Variants in DCLK2 observed in about 807,000 individuals in gnomAD.
DCLK2 encodes the protein serine/threonine-protein kinase DCLK2.
In DCLK2, 31 loss-of-function variants were observed where a neutral mutation model predicts 78.4. That is an observed-to-expected ratio of 0.40 (90% CI 0.30 to 0.53). The LOEUF (loss-of-function observed/expected upper bound fraction) is 0.53, where lower values mean the gene tolerates loss of function less well. Ranked by LOEUF, DCLK2 falls within the 20% of genes least tolerant of loss-of-function variation. The probability of loss-of-function intolerance (pLI) is 0.61; values close to 1 mark genes in which losing one functional copy is unlikely to be tolerated. For missense variants in DCLK2, 872 were observed against 973.7 expected (o/e 0.90, Z 1.39); for synonymous variants, 407 against 374.9 (o/e 1.09, Z -0.99).
intron 2 of DCLK2, among the ~76,000 whole-genome samples, chr4:150,157,194 T>C (rs1205706320): frequency 6.6e-6 from 1 of 151,570 alleles, no homozygotes; most frequent in African/African-American, 2.4e-5. Context: ...TTACTGTCCT[T>C]TAAGGAGGAA....
In DCLK2 at chr4:150,079,382, G is replaced by T. The variant is rs56327537; in HGVS notation, c.355G>T (p.Gly119Cys). 10 of 1,589,946 alleles carry T rather than the reference G, an allele frequency of 6.3e-6. No homozygotes were observed. In the East Asian group the frequency reaches 2.1e-4, roughly 33 times the overall value. Reference sequence around the variant, plus strand: ...GTCGGACAACGTGAACCTGCCCCAGGGTGTCCGCACTATCTACACCATCGA... The same window carrying T: ...GTCGGACAACGTGAACCTGCCCCAGTGTGTCCGCACTATCTACACCATCGA... The part of the protein sequence containing the change: ...SLSDNVNLPQ[G>C]VRTIYTIDGS... Residue 119 changes from glycine (G) to cysteine (C), a missense_variant, in exon 1 of 16, where the codon GGT becomes TGT. Coordinates refer to ENST00000296550, the MANE Select transcript of DCLK2 (RefSeq NM_001040260.4).
intron 8 of DCLK2, among the ~76,000 whole-genome samples, chr4:150,227,232 C>G (rs1741690261): frequency 6.6e-6 from 1 of 152,200 alleles, no homozygotes; most frequent in African/African-American, 2.4e-5. Context: ...GTAATACAAA[C>G]TTGGGAAACA....
chr4:150,216,271 G>C (rs1414778877), intron 5 of DCLK2, among the ~76,000 whole-genome samples: 1 of 152,204 alleles, frequency 6.6e-6, no homozygotes, highest in Non-Finnish European at 1.5e-5. Context: ...CATCAGCCAT[G>C]AATGCCTTTA....
chr4:150,125,133 T>C (rs1462469513), intron 2 of DCLK2, among the ~76,000 whole-genome samples: 1 of 152,174 alleles, frequency 6.6e-6, no homozygotes, highest in Non-Finnish European at 1.5e-5. Context: ...TTGTGGTAGG[T>C]ATATGGTTGT....
chr4:150,129,284 C>T (rs149004205), intron 2 of DCLK2, among the ~76,000 whole-genome samples: 2 of 152,036 alleles, frequency 1.3e-5, no homozygotes, highest in East Asian at 3.9e-4. Context: ...AATAAATGGT[C>T]CAGTATTCAT....
chr4:150,152,261 A>G (rs1480310663), intron 2 of DCLK2, among the ~76,000 whole-genome samples: 2 of 152,140 alleles, frequency 1.3e-5, no homozygotes, highest in Non-Finnish European at 2.9e-5. Context: ...AGCACTTATG[A>G]CATAAAATAA....
chr4:150,221,376 A>C (rs563899775), intron 6 of DCLK2, among the ~76,000 whole-genome samples: 20 of 150,436 alleles, frequency 1.3e-4, no homozygotes, highest in Non-Finnish European at 2.4e-4. Context: ...TTGAACATCG[A>C]CAAAAAAGTT....
intron 5 of DCLK2, among the ~76,000 whole-genome samples, chr4:150,206,728 GTC>G (rs1739872465): frequency 6.6e-6 from 1 of 152,104 alleles, no homozygotes; most frequent in African/African-American, 2.4e-5. Context: ...AGTAACTAAT[GTC>G]TCTGCCACAC....
chr4:150,114,377 A>G (rs140202212), intron 2 of DCLK2, among the ~76,000 whole-genome samples: 2 of 152,148 alleles, frequency 1.3e-5, no homozygotes, highest in East Asian at 1.9e-4. Context: ...GTTGCTGTCT[A>G]TCTCTTTTCT....
intron 2 of DCLK2, among the ~76,000 whole-genome samples, chr4:150,121,230 A>G (rs1366390495): frequency 1.4e-5 from 1 of 72,736 alleles, no homozygotes; most frequent in Non-Finnish European, 2.7e-5. Context: ...AGAATGTGTG[A>G]TATGCTATTT....
At chr4:150,119,989 T>G (rs1429943889) in intron 2 of DCLK2, among the ~76,000 whole-genome samples, 1 of 152,222 alleles carries the variant, frequency 6.6e-6, no homozygotes, top group Non-Finnish European at 1.5e-5. Context: ...ATGGCTAACT[T>G]CTGAATTTGT....
At chr4:150,231,457 A>G (rs537867756) in intron 8 of DCLK2, among the ~76,000 whole-genome samples, 54 of 152,284 alleles carry the variant, frequency 3.5e-4, no homozygotes, top group African/African-American at 1.2e-3. Flanking sequence ...ATTTCCAGCT[A>G]TTGTCCAAAA....
At chr4:150,243,119 T>A (rs991200831) in intron 12 of DCLK2, among the ~76,000 whole-genome samples, 2 of 152,246 alleles carry the variant, frequency 1.3e-5, no homozygotes, top group Non-Finnish European at 2.9e-5. Context: ...CACTGCTTTT[T>A]ACTTTTTAAA....
chr4:150,253,449 G>A (rs1342014579), intron 15 of DCLK2: 1 of 1,289,682 alleles, frequency 7.8e-7, no homozygotes, highest in Non-Finnish European at 1.0e-6. Context: ...AAAGTTGATG[G>A]TGTTATCTGC....
chr4:150,216,948 G>A (rs1280941713), intron 5 of DCLK2, among the ~76,000 whole-genome samples: 1 of 152,182 alleles, frequency 6.6e-6, no homozygotes, highest in Non-Finnish European at 1.5e-5. Context: ...CATCCATTAT[G>A]CTTTGTTGAG....
In DCLK2 at chr4:150,240,391, T is replaced by A. The variant is rs1044143184; in HGVS notation, c.1701-8T>A. ...GTTCTCTCCCCCTCACCCACTTTGT[T>A]TTCCTAGCTATGGCCTGAAGGTGGA... is the stretch of plus-strand genomic sequence containing the variant. On this transcript the variant is annotated splice_polypyrimidine_tract_variant and splice_region_variant and intron_variant, in intron 11 of 15. Transcript: ENST00000296550. The A allele has an allele frequency of 6.2e-7, 1 of 1,613,724 alleles. No individual in the cohort carries two copies. The highest frequency in any genetic ancestry group is 8.5e-7 in the Non-Finnish European group (1 of 1,179,714).
chr4:150,087,283 A>G (rs1263230539), intron 1 of DCLK2, among the ~76,000 whole-genome samples: 2 of 152,210 alleles, frequency 1.3e-5, no homozygotes, highest in Admixed American at 1.3e-4. Flanking sequence ...AATAATCTGC[A>G]ATTTTGACCT....
intron 2 of DCLK2, among the ~76,000 whole-genome samples, chr4:150,126,690 G>C (rs1377987070): frequency 6.6e-6 from 1 of 152,086 alleles, no homozygotes; most frequent in African/African-American, 2.4e-5. Context: ...GATTATATAT[G>C]CCCTCCATCC....
intron 10 of DCLK2, among the ~76,000 whole-genome samples, chr4:150,235,253 C>G (rs141088726): frequency 6.6e-6 from 1 of 152,322 alleles, no homozygotes; most frequent in East Asian, 1.9e-4. Context: ...CTTCTCTTTT[C>G]CACTCAGAGT....
Sources: allele counts gnomAD v4.1 joint callset (sites outside exome capture counted in the v4.1 genomes callset), GRCh38; gene constraint gnomAD v4.1.1; transcripts MANE v1.5; gene names NCBI Gene and HGNC (gene_info 2026-07-23, HGNC 2026-07-21).